The following COMMD10 variants were observed in gnomAD, a reference collection of about 807,000 sequenced individuals.
COMMD10 encodes COMM domain containing 10.
COMMD10 carries 33 observed loss-of-function variants against 28.9 expected under a neutral mutation model. The observed-to-expected ratio is 1.14, with a 90% confidence interval of 0.87 to 1.53. The LOEUF (loss-of-function observed/expected upper bound fraction) is 1.53. Ranked by LOEUF, COMMD10 falls within the 40% of genes most tolerant of loss-of-function variation. COMMD10 has a pLI of 0.00. For missense variants in COMMD10, 310 were observed against 233.4 expected, an observed-to-expected ratio of 1.33 and a Z score of -2.14; for synonymous variants, 110 against 81.7, an observed-to-expected ratio of 1.35 and a Z score of -1.87.
At chr5:116,187,658 T>G (rs922749397) in intron 5 of COMMD10, among the ~76,000 whole-genome samples, 1 of 152,132 alleles carries the variant, frequency 6.6e-6, no homozygotes, top group Non-Finnish European at 1.5e-5. Flanking sequence ...TGTAGTATAT[T>G]CTAATTTAAA....
chr5:116,155,215 T>G (rs192207988), intron 5 of COMMD10, among the ~76,000 whole-genome samples: 1 of 152,170 alleles, frequency 6.6e-6, no homozygotes, highest in Non-Finnish European at 1.5e-5. Flanking sequence ...TATTTAGTTA[T>G]TCTATTTCTG....
chr5:116,220,605 T>TATTATTTTTCCAG lies in COMMD10; in HGVS notation c.511-70912_511-70911insATTATTTTTCCAG, dbSNP rs1455083908. 6.6e-5 allele frequency among the ~76,000 whole-genome samples: 10 copies of TATTATTTTTCCAG among 152,274 alleles called. No homozygotes were observed. In the East Asian group the frequency reaches 1.9e-3, roughly 29 times the overall value. ...CAGGGATACATATGCAACCCAAGCA[T>TATTATTTTTCCAG]TGTATAAACACTGGAAAAATAATAT... On this transcript the variant is annotated intron_variant, in intron 5 of 6. Coordinates refer to ENST00000274458, the MANE Select transcript of COMMD10 (RefSeq NM_016144.4).
intron 5 of COMMD10, among the ~76,000 whole-genome samples, chr5:116,229,728 A>C (rs769434929): frequency 7.2e-5 from 11 of 152,036 alleles, no homozygotes; most frequent in Non-Finnish European, 1.3e-4. Context: ...GAATACAAGC[A>C]CAATTTATTT....
chr5:116,127,735 T>G (rs1288012782), intron 4 of COMMD10, among the ~76,000 whole-genome samples: 1 of 152,066 alleles, frequency 6.6e-6, no homozygotes, highest in East Asian at 1.9e-4. Context: ...ATGAGAACAC[T>G]TGGACACAGG....
chr5:116,264,671 A>G (rs1750537130), intron 5 of COMMD10, among the ~76,000 whole-genome samples: 2 of 151,994 alleles, frequency 1.3e-5, no homozygotes, highest in Admixed American at 1.3e-4. Context: ...GCACTGCCCC[A>G]TATTGCTAAT....
intron 5 of COMMD10, among the ~76,000 whole-genome samples, chr5:116,181,048 G>T (rs1285730706): frequency 2.0e-5 from 3 of 152,094 alleles, no homozygotes; most frequent in Non-Finnish European, 4.4e-5. Context: ...GTGGGCTAAG[G>T]TGGGAGGATC....
At chr5:116,247,585 G>A (rs1023604442) in intron 5 of COMMD10, among the ~76,000 whole-genome samples, 2 of 151,684 alleles carry the variant, frequency 1.3e-5, no homozygotes, top group African/African-American at 4.8e-5. Flanking sequence ...CCTGTCACTG[G>A]ATAAAGAAAA....
intron 5 of COMMD10, among the ~76,000 whole-genome samples, chr5:116,165,748 G>A (rs1753068468): frequency 6.6e-6 from 1 of 151,962 alleles, no homozygotes; most frequent in African/African-American, 2.4e-5. Context: ...GAGAGATGGT[G>A]TCTCTTCTTA....
chr5:116,089,280 T>G (rs932425390), intron 2 of COMMD10, among the ~76,000 whole-genome samples: 4 of 152,186 alleles, frequency 2.6e-5, no homozygotes, highest in Non-Finnish European at 4.4e-5. Flanking sequence ...AAGATAGAGA[T>G]AGAGATCAGT....
intron 5 of COMMD10, among the ~76,000 whole-genome samples, chr5:116,216,472 C>T (rs929294063): frequency 6.6e-6 from 1 of 152,180 alleles, no homozygotes; most frequent in Non-Finnish European, 1.5e-5. Flanking sequence ...AGAACTATTA[C>T]AAACATTACA....
intron 4 of COMMD10, among the ~76,000 whole-genome samples, chr5:116,108,891 C>A (rs1324582642): frequency 6.6e-6 from 1 of 152,122 alleles, no homozygotes; most frequent in Non-Finnish European, 1.5e-5. Flanking sequence ...AGTTTCTGGG[C>A]CGGAGTGCAC....
chr5:116,265,751 A>G (rs1420292108), intron 5 of COMMD10, among the ~76,000 whole-genome samples: 2 of 151,808 alleles, frequency 1.3e-5, no homozygotes, highest in Non-Finnish European at 2.9e-5. Flanking sequence ...AATGAAGCAG[A>G]TGAGCCATAG....
chr5:116,264,427 A>G (rs1473929040), intron 5 of COMMD10, among the ~76,000 whole-genome samples: 1 of 151,918 alleles, frequency 6.6e-6, no homozygotes, highest in Non-Finnish European at 1.5e-5. Flanking sequence ...CTGTAATTTG[A>G]CAATTCATTT....
At chr5:116,286,273 A>T (rs1443844669) in intron 5 of COMMD10, among the ~76,000 whole-genome samples, 1 of 151,430 alleles carries the variant, frequency 6.6e-6, no homozygotes, top group Non-Finnish European at 1.5e-5. Flanking sequence ...AGTCTAGCTA[A>T]GGATTTGTCA....
chr5:116,153,640 C>G lies in COMMD10; in HGVS notation c.510+19462C>G, dbSNP rs1049647854. Among the ~76,000 whole-genome samples, 3 of 152,098 alleles carry G rather than the reference C, an allele frequency of 2.0e-5. No homozygotes were observed. In the East Asian group the frequency reaches 5.8e-4, roughly 29 times the overall value. On this transcript the variant is annotated intron_variant, in intron 5 of 6. Transcript: ENST00000274458. Reference sequence around the variant, plus strand: ...GCAATTAATAAGCAGTGAGTTACTTCTTTTATTGGCCCAGAGGGCTGAAAA... The same window carrying G: ...GCAATTAATAAGCAGTGAGTTACTTGTTTTATTGGCCCAGAGGGCTGAAAA...
At chr5:116,104,285 A>C (rs1464444768) in intron 4 of COMMD10, among the ~76,000 whole-genome samples, 1 of 152,134 alleles carries the variant, frequency 6.6e-6, no homozygotes, top group Non-Finnish European at 1.5e-5. Flanking sequence ...ATGAGCATGG[A>C]ATGTTTTTTC....
chr5:116,099,211 C>T (rs887263645), intron 4 of COMMD10, among the ~76,000 whole-genome samples: 1 of 152,184 alleles, frequency 6.6e-6, no homozygotes, highest in Non-Finnish European at 1.5e-5. Flanking sequence ...TATAAATTAG[C>T]TCATACAGTG....
chr5:116,215,279 G>C (rs780626344), intron 5 of COMMD10, among the ~76,000 whole-genome samples: 2 of 151,946 alleles, frequency 1.3e-5, no homozygotes, highest in South Asian at 4.1e-4. Flanking sequence ...ACAGATGTAA[G>C]TATATAAAGT....
chr5:116,210,320 TTATATATATATATACATA>T (rs1477148781), intron 5 of COMMD10, among the ~76,000 whole-genome samples: 1 of 150,234 alleles, frequency 6.7e-6, no homozygotes, highest in Non-Finnish European at 1.5e-5. Context: ...ATGTATGTAT[TTATATATATATATACATA>T]TATATACACG....
Sources: gnomAD v4.1 joint callset for allele counts (sites outside exome capture counted in the v4.1 genomes callset) on GRCh38, gnomAD v4.1.1 for gene constraint, MANE v1.5 for transcripts, NCBI Gene and HGNC (gene_info 2026-07-23, HGNC 2026-07-21) for gene names.